PDGFD: variants seen among roughly 807,000 people sequenced by gnomAD.
The protein encoded by PDGFD is platelet derived growth factor D.
Under a neutral mutation model 44.7 loss-of-function variants are expected in PDGFD, and 30 were observed. That is an observed-to-expected ratio of 0.67 (90% confidence interval 0.50 to 0.91). PDGFD has a LOEUF of 0.91. Ranked by LOEUF, PDGFD falls within the 40% of genes least tolerant of loss-of-function variation. The pLI, the probability that PDGFD is intolerant of heterozygous loss-of-function variation, is 0.00. For synonymous variants in PDGFD, 173 were observed against 168.4 expected (o/e 1.03, Z -0.21); for missense variants, 445 against 457.8 (o/e 0.97, Z 0.25).
chr11:104,066,242 A>G (rs1244987628), intron 1 of PDGFD, among the ~76,000 whole-genome samples: 1 of 152,140 alleles, frequency 6.6e-6, no homozygotes, highest in African/African-American at 2.4e-5. Flanking sequence ...ATCACCAAAA[A>G]TTATTATTCT....
intron 1 of PDGFD, among the ~76,000 whole-genome samples, chr11:104,040,534 A>C (rs1565318468): frequency 6.6e-6 from 1 of 152,034 alleles, no homozygotes; most frequent in South Asian, 2.1e-4. Flanking sequence ...GTTTTGGTAA[A>C]AGGCTACATC....
intron 1 of PDGFD, among the ~76,000 whole-genome samples, chr11:104,025,688 C>G (rs1377617414): frequency 6.6e-6 from 1 of 152,058 alleles, no homozygotes; most frequent in African/African-American, 2.4e-5. Context: ...AAACTAAGAC[C>G]CAAGGGCACT....
At position 104,046,690 on chromosome 11, in the gene PDGFD, T is replaced by C. The variant is rs148493711; in HGVS notation, c.125-46435A>G. On this transcript the variant is annotated intron_variant, in intron 1 of 6. Coordinates refer to ENST00000393158, the MANE Select transcript of PDGFD (RefSeq NM_025208.5). Reference sequence around the variant, plus strand: ...AAATCTGTTTAAGTTGTATAAAAAATACAAAAATCTTCCCACAGTATCTAC... The same window carrying C: ...AAATCTGTTTAAGTTGTATAAAAAACACAAAAATCTTCCCACAGTATCTAC... 9.8e-4 allele frequency among the ~76,000 whole-genome samples: 144 copies of C among 147,498 alleles called. 4 individuals are homozygous for C. The highest frequency in any genetic ancestry group is 3.1e-3 in the African/African-American group (126 of 40,582).
chr11:104,060,604 T>C (rs1007597794), intron 1 of PDGFD, among the ~76,000 whole-genome samples: 4 of 152,122 alleles, frequency 2.6e-5, no homozygotes, highest in African/African-American at 9.7e-5. Context: ...TTAGGAGACA[T>C]TCCTGTGTAT....
At chr11:103,942,959 A>G (rs940648678) in intron 5 of PDGFD, among the ~76,000 whole-genome samples, 1 of 152,138 alleles carries the variant, frequency 6.6e-6, no homozygotes, top group Admixed American at 6.6e-5. Context: ...GATAATTTTT[A>G]TAAGATCTCA....
intron 6 of PDGFD, among the ~76,000 whole-genome samples, chr11:103,922,181 A>G (rs1254917855): frequency 2.0e-5 from 3 of 152,198 alleles, no homozygotes; most frequent in Admixed American, 6.5e-5. Flanking sequence ...TAATAATTTA[A>G]TAGGTCACTA....
At chr11:104,037,595 T>C in intron 1 of PDGFD, 1 of 1,614,032 alleles carries the variant, frequency 6.2e-7, no homozygotes, top group Non-Finnish European at 8.5e-7. Context: ...TTGAAGGCTT[T>C]TGTTGACTCG....
intron 6 of PDGFD, among the ~76,000 whole-genome samples, chr11:103,917,343 C>T (rs1427351260): frequency 6.6e-6 from 1 of 152,074 alleles, no homozygotes; most frequent in East Asian, 1.9e-4. Context: ...TAGAAGCCAA[C>T]CCTTCTTCCC....
chr11:104,095,791 C>T (rs557258910), intron 1 of PDGFD, among the ~76,000 whole-genome samples: 2 of 152,270 alleles, frequency 1.3e-5, no homozygotes, highest in Admixed American at 6.5e-5. Flanking sequence ...GCCAAATATA[C>T]AGCTCCAATC....
In PDGFD at chr11:104,024,815, G is replaced by T. The variant is rs114732987; in HGVS notation, c.125-24560C>A. Among the ~76,000 whole-genome samples the T allele has an allele frequency of 2.7e-3, 417 of 152,318 alleles. 2 individuals carry two copies. The highest frequency in any genetic ancestry group is 9.7e-3 in the African/African-American group (403 of 41,576). ...CTCTGTCAAAAATGTGCATACAAAT[G>T]ACCTATTTGCACATGTAAGTGTCAA... On this transcript the variant is annotated intron_variant, in intron 1 of 6. Coordinates refer to ENST00000393158, the MANE Select transcript of PDGFD (RefSeq NM_025208.5).
intron 1 of PDGFD, among the ~76,000 whole-genome samples, chr11:104,033,047 G>A (rs1039974980): frequency 3.4e-5 from 4 of 116,384 alleles, no homozygotes; most frequent in African/African-American, 1.2e-4. Flanking sequence ...TTTATGTTTA[G>A]GGGTGTGTGT....
Position 104,037,921 on chromosome 11 carries a change from C to T in PDGFD, c.125-37666G>A, listed in dbSNP as rs988036040. 2 of 1,614,094 alleles carry T rather than the reference C, an allele frequency of 1.2e-6. No homozygotes were observed. The highest frequency in any genetic ancestry group is 1.6e-4 in the Middle Eastern group (1 of 6,062). ...TTATTTTCTTCCTGAGGGAGAGTTG[C>T]CCTTATGCTCTAGGATGGTAAGTGG... On this transcript the variant is annotated intron_variant, in intron 1 of 6. Transcript: ENST00000393158.
intron 5 of PDGFD, among the ~76,000 whole-genome samples, chr11:103,934,309 A>T (rs968026756): frequency 6.6e-6 from 1 of 152,248 alleles, no homozygotes; most frequent in African/African-American, 2.4e-5. Context: ...TGAGTAACAC[A>T]GATCAAAGAA....
At chr11:103,942,938 A>G (rs1463853128) in intron 5 of PDGFD, among the ~76,000 whole-genome samples, 2 of 152,126 alleles carry the variant, frequency 1.3e-5, no homozygotes, top group Non-Finnish European at 2.9e-5. Context: ...AAAAAATAAG[A>G]AGCTGGTTCA....
chr11:104,119,705 T>C (rs1861738035), intron 1 of PDGFD, among the ~76,000 whole-genome samples: 1 of 98,926 alleles, frequency 1.0e-5, no homozygotes, highest in African/African-American at 4.3e-5. Context: ...TAATATCTAT[T>C]AATATTATAA....
intron 1 of PDGFD, among the ~76,000 whole-genome samples, chr11:104,115,580 A>T (rs1166608741): frequency 6.6e-6 from 1 of 151,934 alleles, no homozygotes; most frequent in African/African-American, 2.4e-5. Flanking sequence ...ATCAAATGGT[A>T]GTTCTACTTT....
intron 1 of PDGFD, chr11:104,037,419 T>A (rs989286537): frequency 1.9e-5 from 31 of 1,613,852 alleles, no homozygotes; most frequent in Middle Eastern, 1.6e-4. Flanking sequence ...AGAGGCTTCG[T>A]CTCTACACAG....
chr11:104,097,388 A>G (rs1353064892), intron 1 of PDGFD, among the ~76,000 whole-genome samples: 2 of 152,214 alleles, frequency 1.3e-5, no homozygotes, highest in Non-Finnish European at 2.9e-5. Flanking sequence ...GTAGTCAGAT[A>G]TGAGCATTTT....
intron 3 of PDGFD, among the ~76,000 whole-genome samples, chr11:103,973,104 G>A (rs956525810): frequency 6.6e-6 from 1 of 151,426 alleles, no homozygotes; most frequent in South Asian, 2.1e-4. Context: ...AGTATAAGAA[G>A]GCATTAATGA....
Sources: allele counts gnomAD v4.1 joint callset (sites outside exome capture counted in the v4.1 genomes callset), GRCh38; gene constraint gnomAD v4.1.1; transcripts MANE v1.5; gene names NCBI Gene and HGNC (gene_info 2026-07-23, HGNC 2026-07-21).